PPP1R12C: variants seen among roughly 807,000 people sequenced by gnomAD.
PPP1R12C encodes the protein leukocyte receptor cluster (LRC) encoded novel gene 3.
In PPP1R12C, 48 loss-of-function variants were observed where a neutral mutation model predicts 95.6. The observed-to-expected ratio is 0.50, with a 90% CI of 0.40 to 0.64. The LOEUF is 0.64. Among genes scored for constraint, PPP1R12C ranks in the 30% least tolerant of loss-of-function variants. The pLI, the probability that PPP1R12C is intolerant of heterozygous loss-of-function variation, is 0.00. For missense variants in PPP1R12C, 1,057 were observed against 1,083.3 expected, an observed-to-expected ratio of 0.98 and a Z score of 0.34; for synonymous variants, 480 against 460.8, an observed-to-expected ratio of 1.04 and a Z score of -0.53.
chr19:55,101,444 G>A (rs796646991), intron 4 of PPP1R12C, among the ~76,000 whole-genome samples: 2 of 152,304 alleles, frequency 1.3e-5, no homozygotes, highest in South Asian at 4.1e-4. Context: ...CCACCCAGCT[G>A]AAGACAAATC....
intron 9 of PPP1R12C, 89 bp from the exon 10 acceptor site, chr19:55,095,692 C>G: frequency 6.7e-7 from 1 of 1,502,360 alleles, no homozygotes; most frequent in South Asian, 1.3e-5. Context: ...CAACAAACTA[C>G]AATTCCCATC....
intron 1 of PPP1R12C, among the ~76,000 whole-genome samples, chr19:55,115,838 A>G (rs1354513113): frequency 1.3e-5 from 2 of 152,204 alleles, no homozygotes; most frequent in African/African-American, 4.8e-5. Context: ...CCCTGGGAAT[A>G]TAAGGTGGTC....
chr19:55,099,518 G>A (rs1748702469), intron 4 of PPP1R12C, among the ~76,000 whole-genome samples: 1 of 152,218 alleles, frequency 6.6e-6, no homozygotes, highest in Admixed American at 6.5e-5. Context: ...GACCCGGGCT[G>A]GCTTAAAGCA....
chr19:55,095,099 AGG>A, intron 11 of PPP1R12C, 190 bp downstream of exon 11: 1 of 721,398 alleles, frequency 1.4e-6, no homozygotes, highest in African/African-American at 1.8e-5. Context: ...GGGGGAAGAT[AGG>A]GGAGAAGGTG....
intron 19 of PPP1R12C, 132 bp from the exon 20 acceptor site, chr19:55,092,041 G>A (rs1355026798): frequency 6.6e-6 from 8 of 1,217,386 alleles, no homozygotes; most frequent in Non-Finnish European, 9.4e-6. Context: ...GCCAGGCCCC[G>A]CCACCGGCAG....
chr19:55,117,129 C>T, intron 1 of PPP1R12C, 94 bp downstream of exon 1: 1 of 1,060,102 alleles, frequency 9.4e-7, no homozygotes, highest in Non-Finnish European at 1.2e-6. Context: ...AACGACGGGG[C>T]GGATCGAGAC....
chr19:55,115,982 A>G (rs2085149210), intron 1 of PPP1R12C, among the ~76,000 whole-genome samples: 1 of 152,172 alleles, frequency 6.6e-6, no homozygotes, highest in South Asian at 2.1e-4. Flanking sequence ...GGGCTGGAAG[A>G]GCTAGCACAG....
chr19:55,111,398 T>C lies in PPP1R12C; in HGVS notation c.571+1069A>G, dbSNP rs185409961. The stretch of plus-strand genomic sequence containing the variant: ...AGTGAAAGTCATATGGGTAGTCACA[T>C]GCTATTGCTTCAACTTTTCTGTAAA... On this transcript the variant is annotated intron_variant, in intron 3 of 21. Coordinates refer to ENST00000263433, the MANE Select transcript of PPP1R12C (RefSeq NM_017607.4). The C allele has an allele frequency of 2.0e-3, 303 of 152,340 alleles. 1 individual carries two copies. The highest frequency in any genetic ancestry group is 6.8e-3 in the African/African-American group (284 of 41,576). 9.4% of individuals were successfully genotyped at this position (152,340 alleles called of 1,614,324 possible). A position where few individuals can be genotyped will look rare whatever the true frequency, so the allele number is the denominator to read the frequency against.
intron 4 of PPP1R12C, among the ~76,000 whole-genome samples, chr19:55,099,973 A>G (rs1418129042): frequency 1.3e-5 from 2 of 152,194 alleles, no homozygotes; most frequent in African/African-American, 2.4e-5. Context: ...TATAAGCACA[A>G]GTCCCTCTCT....
chr19:55,103,883 G>A (rs2085004956), intron 3 of PPP1R12C, among the ~76,000 whole-genome samples: 1 of 151,574 alleles, frequency 6.6e-6, no homozygotes, highest in Admixed American at 6.6e-5. Flanking sequence ...GGGTGCAGTG[G>A]CTCATGCCTG....
Position 55,096,327 on chromosome 19 carries a change from GT to G in PPP1R12C, c.959del (p.Asn320ThrfsTer29). 6.2e-7 allele frequency: 1 copy of G among 1,613,464 alleles called. No individual in the cohort carries two copies. The highest frequency in any genetic ancestry group is 8.5e-7 in the Non-Finnish European group (1 of 1,179,850). ...ELARKQEDLR[N>X]QKEASQSRGQ... ...CCCGGCTCTGGGAAGCTTCTTTTTG[GT>G]TCCGAAGCTGCAAGGAGGGAAGGGG... On this transcript the variant is annotated frameshift_variant, in exon 7 of 22. Coordinates refer to ENST00000263433, the MANE Select transcript of PPP1R12C (RefSeq NM_017607.4). LOFTEE classifies it high-confidence loss of function.
rs1402694127 is a variant in PPP1R12C, at chr19:55,098,781, C to CA, written c.951+2dup. On this transcript the variant is annotated splice_region_variant and intron_variant, in intron 6 of 21. Transcript: ENST00000263433. ...GGGTAAGCCCCTCAGCCCTGACACT[C>CA]ACGTCCTCCTGTTTCCGGGCCAGTT... 2 of 1,613,488 alleles carry CA rather than the reference C, an allele frequency of 1.2e-6. No homozygotes were observed.
Position 55,092,050 on chromosome 19 carries a change from A to G in PPP1R12C, c.2161-141T>C, listed in dbSNP as rs2084848528. ...CCACGGGCCAGGCCCCGCCACCGGC[A>G]GGCCCACAGCCCCATCCCCTCGCTC... is the stretch of plus-strand genomic sequence containing the variant. On this transcript the variant is annotated intron_variant, in intron 19 of 21. Coordinates refer to ENST00000263433, the MANE Select transcript of PPP1R12C (RefSeq NM_017607.4). The G allele has an allele frequency of 1.5e-5, 18 of 1,183,032 alleles. No homozygotes were observed. In the South Asian group the frequency reaches 2.1e-4, roughly 14 times the overall value. 73.3% of individuals were successfully genotyped at this position (1,183,032 alleles called of 1,614,324 possible).
chr19:55,092,903 C>T, intron 15 of PPP1R12C, 35 bp from the exon 16 acceptor site: 2 of 1,599,998 alleles, frequency 1.3e-6, no homozygotes, highest in Non-Finnish European at 1.7e-6. Flanking sequence ...CAGGCACCTC[C>T]AGAGCCCCCT....
chr19:55,091,300 T>TGGCCCCCTCGGCTCCTGGGGA lies in PPP1R12C; in HGVS notation c.*151_*171dup, dbSNP rs1343842221. 1.5e-5 allele frequency: 10 copies of TGGCCCCCTCGGCTCCTGGGGA among 684,570 alleles called. No homozygotes were observed. The highest frequency in any genetic ancestry group is 2.9e-5 in the Admixed American group (1 of 35,058). The allele number at this position is 684,570 out of a possible 1,614,324, so 42.4% of individuals were successfully genotyped here. On this transcript the variant is annotated 3_prime_UTR_variant, in exon 22 of 22. Coordinates refer to ENST00000263433, the MANE Select transcript of PPP1R12C (RefSeq NM_017607.4). ...CTCCCACCTCCATCCTGGCCTCGGG[T>TGGCCCCCTCGGCTCCTGGGGA]GGCCCCCTCGGCTCCTGGGGACTCT...
intron 6 of PPP1R12C, 54 bp downstream of exon 6, chr19:55,098,727 TGAG>T: frequency 1.2e-6 from 2 of 1,602,520 alleles, no homozygotes; most frequent in Non-Finnish European, 1.7e-6. Flanking sequence ...CACCCTCCTC[TGAG>T]GAGCTGAGGG....
intron 3 of PPP1R12C, among the ~76,000 whole-genome samples, chr19:55,111,150 AG>A (rs66532829): frequency 0.45 from 28,936 of 64,972 alleles, 5,928 homozygotes; most frequent in African/African-American, 0.69. Flanking sequence ...GGTGGGGGGG[AG>A]GGGGGGGTGC....
chr19:55,115,792 G>C (rs750846452), intron 1 of PPP1R12C, among the ~76,000 whole-genome samples: 4 of 152,208 alleles, frequency 2.6e-5, no homozygotes, highest in Non-Finnish European at 5.9e-5. Context: ...GGAGGGGACA[G>C]ATAAAAGTAC....
chr19:55,097,550 CCCCACGCAG>C, intron 6 of PPP1R12C, among the ~76,000 whole-genome samples: 1 of 19,224 alleles, frequency 5.2e-5, no homozygotes, highest in Admixed American at 9.0e-4. Flanking sequence ...TTCGCCCCTT[CCCCACGCAG>C]TTCACCACCG....
Sources: allele counts gnomAD v4.1 joint callset (sites outside exome capture counted in the v4.1 genomes callset), GRCh38; gene constraint gnomAD v4.1.1; transcripts MANE v1.5; gene names NCBI Gene and HGNC (gene_info 2026-07-23, HGNC 2026-07-21).